The following SLC17A1 variants were observed in gnomAD, a reference collection of about 807,000 sequenced individuals.
SLC17A1 encodes the protein sodium-dependent phosphate transport protein 1.
Under a neutral mutation model 53.5 loss-of-function variants are expected in SLC17A1, and 51 were observed. The ratio of observed to expected loss-of-function variants is 0.95; its 90% confidence interval spans 0.76 to 1.20. The LOEUF (loss-of-function observed/expected upper bound fraction) is 1.20, where lower values mean the gene tolerates loss of function less well. Among genes scored for constraint, SLC17A1 ranks in the 50% most tolerant of loss-of-function variants. The pLI is 0.00. For synonymous variants in SLC17A1, 179 were observed against 198.8 expected (o/e 0.90, Z 0.84); for missense variants, 538 against 568.2 (o/e 0.95, Z 0.54).
chr6:25,810,166 G>A (rs183204477), intron 10 of SLC17A1, among the ~76,000 whole-genome samples: 3 of 152,094 alleles, frequency 2.0e-5, no homozygotes, highest in East Asian at 1.9e-4. Flanking sequence ...ACTACTAGAA[G>A]AAAACAGGGG....
the SLC17A1 span, chr6:25,773,810 C>A: frequency 2.6e-6 from 2 of 784,072 alleles, no homozygotes; most frequent in African/African-American, 1.7e-5. Flanking sequence ...ATAGGAAATG[C>A]AATCTAGTTA....
intron 6 of SLC17A1, among the ~76,000 whole-genome samples, chr6:25,814,814 T>A (rs1322603429): frequency 6.6e-6 from 1 of 152,010 alleles, no homozygotes; most frequent in African/African-American, 2.4e-5. Flanking sequence ...TGAAGCCCCG[T>A]CTCTTCTAAA....
chr6:25,806,423 C>T (rs898504364), intron 10 of SLC17A1, among the ~76,000 whole-genome samples: 4 of 151,936 alleles, frequency 2.6e-5, no homozygotes, highest in South Asian at 2.1e-4. Context: ...CAACATCATA[C>T]GAAATAGGGA....
the SLC17A1 span, among the ~76,000 whole-genome samples, chr6:25,728,779 A>T: frequency 4.1e-4 from 63 of 152,310 alleles, no homozygotes; most frequent in African/African-American, 1.4e-3. Flanking sequence ...GCCCCACTGC[A>T]CTCCAGCCTG....
intron 3 of SLC17A1, among the ~76,000 whole-genome samples, chr6:25,820,855 G>T (rs984582982): frequency 7.3e-6 from 1 of 137,500 alleles, no homozygotes; most frequent in East Asian, 2.1e-4. Context: ...CCAAGATCGC[G>T]CCACTGCACT....
chr6:25,821,016 A>G (rs1279459614), intron 3 of SLC17A1, among the ~76,000 whole-genome samples: 1 of 152,138 alleles, frequency 6.6e-6, no homozygotes, highest in African/African-American at 2.4e-5. Context: ...AGAAATCTTA[A>G]TGGTAGTAGA....
At chr6:25,829,516 G>T (rs931764296) in intron 2 of SLC17A1, among the ~76,000 whole-genome samples, 2 of 152,094 alleles carry the variant, frequency 1.3e-5, no homozygotes, top group Non-Finnish European at 2.9e-5. Context: ...GTCTCTACAT[G>T]GTAAAAGGGA....
chr6:25,826,613 G>T lies in SLC17A1; in HGVS notation c.55C>A (p.Arg19Ser). 1 of 1,572,628 alleles carries T rather than the reference G, an allele frequency of 6.4e-7. No individual in the cohort carries two copies. Among genetic ancestry groups the T allele is most frequent in the Non-Finnish European group, 8.6e-7 (1 of 1,158,068 alleles). ...PKKVPGFCSF[R>S]YGLSFLVHCC... ...TGCACAAGGAAAGACAATCCATAGC[G>T]AAAGGAACAGAAACCTGGAACTACA... is the stretch of plus-strand genomic sequence containing the variant. Residue 19 changes from arginine to serine, a missense_variant, in exon 3 of 13, where the codon CGC becomes AGC. Transcript: ENST00000244527.
chr6:25,732,213 T>A, the SLC17A1 span: 5 of 346,192 alleles, frequency 1.4e-5, no homozygotes, highest in Admixed American at 4.1e-5. Flanking sequence ...TTGACTGGAG[T>A]GAAGCGTGAT....
chr6:25,825,577 C>G (rs1364404071), intron 3 of SLC17A1, among the ~76,000 whole-genome samples: 3 of 151,650 alleles, frequency 2.0e-5, no homozygotes, highest in Non-Finnish European at 4.4e-5. Context: ...TTCTTTTTGT[C>G]TTGGTTTTCT....
the SLC17A1 span, among the ~76,000 whole-genome samples, chr6:25,762,293 T>G: frequency 6.6e-6 from 1 of 152,012 alleles, no homozygotes; most frequent in Non-Finnish European, 1.5e-5. Flanking sequence ...TATTTAGAGA[T>G]GAAGGAAAAA....
intron 5 of SLC17A1, 102 bp downstream of exon 5, chr6:25,819,409 G>A: frequency 1.0e-6 from 1 of 977,188 alleles, no homozygotes; most frequent in Non-Finnish European, 1.6e-6. Flanking sequence ...GATTTCCAAA[G>A]CCCTTGACCA....
At chr6:25,779,873 A>G (rs1207357315), downstream of SLC17A1, 1 of 152,186 alleles carries the variant, frequency 6.6e-6, no homozygotes, top group South Asian at 2.1e-4. Flanking sequence ...TTAACATGTT[A>G]GTGAACAGAC....
chr6:25,819,645 A>G, intron 4 of SLC17A1, 37 bp downstream of exon 4: 1 of 1,612,502 alleles, frequency 6.2e-7, no homozygotes, highest in Non-Finnish European at 8.5e-7. Context: ...CTTCCTGTGA[A>G]TTTAAACTCT....
chr6:25,741,175 A>C, the SLC17A1 span, among the ~76,000 whole-genome samples: 6 of 152,236 alleles, frequency 3.9e-5, no homozygotes, highest in Non-Finnish European at 8.8e-5. Context: ...AATGTTCCCA[A>C]CACAAAGAAA....
chr6:25,735,998 A>G, the SLC17A1 span, among the ~76,000 whole-genome samples: 15 of 152,000 alleles, frequency 9.9e-5, 3 homozygotes, highest in East Asian at 7.8e-4. Flanking sequence ...CAAATAAAAA[A>G]TTTTAGAAAA....
chr6:25,815,960 A>C (rs1764339854), intron 6 of SLC17A1, among the ~76,000 whole-genome samples: 1 of 148,898 alleles, frequency 6.7e-6, no homozygotes, highest in African/African-American at 2.5e-5. Flanking sequence ...GAAACGGCAC[A>C]GTTAAAAGCA....
At chr6:25,766,068 A>T in the SLC17A1 span, among the ~76,000 whole-genome samples, 1 of 151,114 alleles carries the variant, frequency 6.6e-6, no homozygotes, top group Non-Finnish European at 1.5e-5. Context: ...ATTATAATTT[A>T]TAATTATAAA....
At position 25,788,548 on chromosome 6, in the gene SLC17A1, C is replaced by A. The variant is rs1352526959; in HGVS notation, c.*3-5330G>T. Reference sequence around the variant, plus strand: ...GACAGCCTGGCATAGGATGCTGAAGCCTGACCAGGTGCAGAGGGTGTCTGA... The same window carrying A: ...GACAGCCTGGCATAGGATGCTGAAGACTGACCAGGTGCAGAGGGTGTCTGA... On this transcript the variant is annotated intron_variant, in intron 12 of 12. Transcript: ENST00000244527. Among the ~76,000 whole-genome samples the A allele has an allele frequency of 3.3e-5, 5 of 152,266 alleles. No individual in the cohort carries two copies. In the East Asian group the frequency reaches 9.7e-4, roughly 29 times the overall value.
Sources: gnomAD v4.1 joint callset for allele counts (sites outside exome capture counted in the v4.1 genomes callset) on GRCh38, gnomAD v4.1.1 for gene constraint, MANE v1.5 for transcripts, NCBI Gene and HGNC (gene_info 2026-07-23, HGNC 2026-07-21) for gene names.